KATNIP: variants seen among roughly 807,000 people sequenced by gnomAD.
KATNIP encodes katanin interacting protein.
Under a neutral mutation model 174.0 loss-of-function variants are expected in KATNIP, and 126 were observed. The observed-to-expected ratio is 0.72, with a 90% CI of 0.63 to 0.84. KATNIP has a LOEUF of 0.84. Ranked by LOEUF, KATNIP falls within the 40% of genes least tolerant of loss-of-function variation. The pLI is 0.00. For synonymous variants in KATNIP, 810 were observed against 835.7 expected, an observed-to-expected ratio of 0.97 and a Z score of 0.53; for missense variants, 1,958 against 2,109.7, an observed-to-expected ratio of 0.93 and a Z score of 1.41.
intron 8 of KATNIP, among the ~76,000 whole-genome samples, chr16:27,697,458 T>C (rs920418749): frequency 3.3e-5 from 5 of 152,140 alleles, no homozygotes; most frequent in African/African-American, 1.2e-4. Context: ...CTTGATAAAA[T>C]TTTAAACTTA....
intron 14 of KATNIP, among the ~76,000 whole-genome samples, chr16:27,731,913 G>T (rs1025344682): frequency 6.6e-6 from 1 of 152,082 alleles, no homozygotes; most frequent in Non-Finnish European, 1.5e-5. Context: ...GAGTTACTGC[G>T]CCTGGCACAG....
chr16:27,658,425 T>C (rs899837574), intron 6 of KATNIP, among the ~76,000 whole-genome samples: 1 of 152,196 alleles, frequency 6.6e-6, no homozygotes, highest in Non-Finnish European at 1.5e-5. Flanking sequence ...ACACTTCCAA[T>C]GGAAGGAGCA....
chr16:27,690,742 G>A (rs2078700830), intron 8 of KATNIP, among the ~76,000 whole-genome samples: 1 of 152,176 alleles, frequency 6.6e-6, no homozygotes, highest in South Asian at 2.1e-4. Flanking sequence ...ACACAACATA[G>A]TGTACAGTTT....
chr16:27,680,291 C>T (rs1174021435), intron 7 of KATNIP, among the ~76,000 whole-genome samples: 1 of 152,100 alleles, frequency 6.6e-6, no homozygotes, highest in Non-Finnish European at 1.5e-5. Context: ...TAATAATGGT[C>T]CCACGTGGGA....
At chr16:27,632,658 A>G in intron 5 of KATNIP, 2 of 456,036 alleles carry the variant, frequency 4.4e-6, no homozygotes, top group Non-Finnish European at 8.8e-6. Flanking sequence ...TAACCACAGA[A>G]GGGAGGGGCA....
At chr16:27,737,605 T>C (rs771814195) in intron 14 of KATNIP, among the ~76,000 whole-genome samples, 2 of 151,822 alleles carry the variant, frequency 1.3e-5, no homozygotes, top group Non-Finnish European at 2.9e-5. Context: ...TCGTTCAAAG[T>C]GCAGCCGAAG....
chr16:27,701,979 A>G (rs926234714), intron 11 of KATNIP, among the ~76,000 whole-genome samples: 1 of 152,034 alleles, frequency 6.6e-6, no homozygotes, highest in African/African-American at 2.4e-5. Flanking sequence ...TTTTTTGTAG[A>G]GGGGGTCTCA....
At chr16:27,611,511 T>C (rs751850224) in intron 2 of KATNIP, among the ~76,000 whole-genome samples, 10 of 152,212 alleles carry the variant, frequency 6.6e-5, no homozygotes, top group South Asian at 4.1e-4. Context: ...TGGACAGCGG[T>C]GAAGCCAGGA....
intron 9 of KATNIP, 98 bp from the exon 10 acceptor site, chr16:27,699,436 G>A: frequency 6.5e-7 from 1 of 1,543,334 alleles, no homozygotes; most frequent in Non-Finnish European, 8.7e-7. Flanking sequence ...GGTAGCTTGA[G>A]AAGGTCCCTG....
chr16:27,602,421 A>C (rs1012883444), intron 2 of KATNIP, among the ~76,000 whole-genome samples: 1 of 152,186 alleles, frequency 6.6e-6, no homozygotes, highest in East Asian at 1.9e-4. Context: ...TTCCAGCCAC[A>C]CTGGCCTCTG....
intron 1 of KATNIP, among the ~76,000 whole-genome samples, chr16:27,568,837 A>G (rs749781305): frequency 1.3e-5 from 2 of 152,042 alleles, no homozygotes; most frequent in African/African-American, 2.4e-5. Context: ...GCAGATTTCT[A>G]CTGAGTTCCT....
At chr16:27,698,245 T>C in intron 8 of KATNIP, 83 bp from the exon 9 acceptor site, 1 of 1,361,892 alleles carries the variant, frequency 7.3e-7, no homozygotes, top group Non-Finnish European at 1.0e-6. Flanking sequence ...TTATAGAATG[T>C]TCCTCAATTG....
chr16:27,570,949 A>G (rs1019064743), intron 1 of KATNIP, among the ~76,000 whole-genome samples: 1 of 152,230 alleles, frequency 6.6e-6, no homozygotes, highest in African/African-American at 2.4e-5. Context: ...TCAATCTTGA[A>G]ATCCAAGAGA....
chr16:27,568,301 C>T (rs1567443785), intron 1 of KATNIP, among the ~76,000 whole-genome samples: 1 of 152,154 alleles, frequency 6.6e-6, no homozygotes, highest in African/African-American at 2.4e-5. Context: ...TTTGCTATTA[C>T]AAATCATGAT....
chr16:27,776,861 C>T lies in KATNIP; in HGVS notation c.4450-67C>T. ...CGCTCACCCCAGCCCACGCCTGGCACCCCCAGCCCAGCCAAGCGCCTCTGT... is the reference window on the plus strand; with the variant it reads ...CGCTCACCCCAGCCCACGCCTGGCATCCCCAGCCCAGCCAAGCGCCTCTGT... On this transcript the variant is annotated intron_variant, in intron 24 of 27. Transcript: ENST00000261588. The surrounding 1 kb of genome is among the most constrained non-coding windows in gnomAD (Gnocchi z 4.7). 2 of 1,196,088 alleles carry T rather than the reference C, an allele frequency of 1.7e-6. No homozygotes were observed. Among genetic ancestry groups the T allele is most frequent in the Admixed American group, 1.7e-5 (1 of 58,336 alleles). 74.1% of individuals were successfully genotyped at this position (1,196,088 alleles called of 1,614,324 possible). A position where few individuals can be genotyped will look rare whatever the true frequency, so the allele number is the denominator to read the frequency against.
intron 14 of KATNIP, among the ~76,000 whole-genome samples, chr16:27,722,685 A>G (rs1247090450): frequency 6.6e-6 from 1 of 152,210 alleles, no homozygotes; most frequent in Non-Finnish European, 1.5e-5. Flanking sequence ...TGCTAGAGAC[A>G]TTAGGGAGTG....
rs1597242395 is a variant in KATNIP, at chr16:27,709,200, G to T, written c.1605+280G>T. Reference sequence around the variant, plus strand: ...CCAGGCATCATGGCTTGTGCCTGTAGTCCCAGCTACTTGGAAAGCTGAGGT... The same window carrying T: ...CCAGGCATCATGGCTTGTGCCTGTATTCCCAGCTACTTGGAAAGCTGAGGT... On this transcript the variant is annotated intron_variant, in intron 13 of 27. Coordinates refer to ENST00000261588, the MANE Select transcript of KATNIP (RefSeq NM_015202.5). 3 of 337,072 alleles carry T rather than the reference G, an allele frequency of 8.9e-6. No individual in the cohort carries two copies. In the South Asian group the frequency reaches 1.2e-4, roughly 13 times the overall value. 20.9% of individuals were successfully genotyped at this position (337,072 alleles called of 1,614,324 possible).
chr16:27,619,104 C>T (rs975892527), intron 3 of KATNIP, among the ~76,000 whole-genome samples: 23 of 152,150 alleles, frequency 1.5e-4, no homozygotes, highest in Admixed American at 3.3e-4. Flanking sequence ...TTCAGTTCAC[C>T]GCAGTTTGTC....
intron 6 of KATNIP, among the ~76,000 whole-genome samples, chr16:27,668,083 G>A (rs369404623): frequency 9.2e-5 from 14 of 152,314 alleles, no homozygotes; most frequent in African/African-American, 3.1e-4. Context: ...TTACGGGCAG[G>A]TTTATCAATT....
Sources: allele counts gnomAD v4.1 joint callset (sites outside exome capture counted in the v4.1 genomes callset), GRCh38; gene constraint gnomAD v4.1.1; non-coding constraint Gnocchi (gnomAD v3.1); transcripts MANE v1.5; gene names NCBI Gene and HGNC (gene_info 2026-07-23, HGNC 2026-07-21).